RIT2: variants seen among roughly 807,000 people sequenced by gnomAD.
RIT2 encodes the protein Ras like without CAAX 2.
A neutral mutation model predicts 23.7 loss-of-function variants in RIT2; 24 were observed. The ratio of observed to expected loss-of-function variants is 1.01; its 90% CI spans 0.73 to 1.43. The LOEUF is 1.43. Among genes scored for constraint, RIT2 ranks in the 40% most tolerant of loss-of-function variants. The pLI is 0.00. For synonymous variants in RIT2, 107 were observed against 91.1 expected (o/e 1.17, Z -0.99); for missense variants, 236 against 266.9 (o/e 0.88, Z 0.81).
chr18:43,093,837 C>T (rs1282993684), intron 1 of RIT2, among the ~76,000 whole-genome samples: 2 of 152,000 alleles, frequency 1.3e-5, no homozygotes, highest in Non-Finnish European at 2.9e-5. Context: ...AATTCACCAT[C>T]ACCACACTAT....
intron 1 of RIT2, among the ~76,000 whole-genome samples, chr18:43,078,561 T>C (rs1276319395): frequency 6.6e-6 from 1 of 152,184 alleles, no homozygotes; most frequent in African/African-American, 2.4e-5. Context: ...CATGGATCCT[T>C]GCATCGCGCA....
intron 4 of RIT2, chr18:42,920,749 T>C (rs572654400): frequency 6.3e-7 from 1 of 1,595,368 alleles, no homozygotes; most frequent in Non-Finnish European, 8.5e-7. Context: ...TTCCAAACTC[T>C]TTCAGTGTAG....
intron 4 of RIT2, among the ~76,000 whole-genome samples, chr18:42,746,327 G>A (rs1014431786): frequency 2.6e-5 from 4 of 152,008 alleles, no homozygotes; most frequent in African/African-American, 9.7e-5. Flanking sequence ...ATGCATTACA[G>A]TCTCCAACTT....
At chr18:43,071,344 C>T (rs1912892057) in intron 1 of RIT2, among the ~76,000 whole-genome samples, 1 of 152,162 alleles carries the variant, frequency 6.6e-6, no homozygotes, top group Admixed American at 6.5e-5. Flanking sequence ...TATGGAACTA[C>T]ATCCCAGGTT....
intron 4 of RIT2, among the ~76,000 whole-genome samples, chr18:42,748,978 C>T (rs1051665649): frequency 6.6e-5 from 10 of 151,818 alleles, no homozygotes; most frequent in Non-Finnish European, 1.3e-4. Flanking sequence ...GGGACTTGAA[C>T]AAAACAAACT....
intron 2 of RIT2, among the ~76,000 whole-genome samples, chr18:43,009,066 T>C (rs932108314): frequency 1.3e-5 from 2 of 151,636 alleles, no homozygotes; most frequent in African/African-American, 4.8e-5. Context: ...TAAATGATCT[T>C]CAAGTAGTAA....
intron 1 of RIT2, among the ~76,000 whole-genome samples, chr18:43,114,580 A>G (rs1914024964): frequency 6.6e-6 from 1 of 152,114 alleles, no homozygotes; most frequent in South Asian, 2.1e-4. Flanking sequence ...TTATATAAAA[A>G]GCTATATTTA....
At chr18:42,809,096 C>G (rs1485713987) in intron 4 of RIT2, among the ~76,000 whole-genome samples, 1 of 152,030 alleles carries the variant, frequency 6.6e-6, no homozygotes, top group Non-Finnish European at 1.5e-5. Flanking sequence ...GTCATAGATA[C>G]TTATTGCATT....
intron 4 of RIT2, among the ~76,000 whole-genome samples, chr18:42,897,771 A>G (rs1259324293): frequency 2.0e-5 from 3 of 152,226 alleles, no homozygotes; most frequent in African/African-American, 7.2e-5. Context: ...TTTTAAAAAA[A>G]GGATTAGCAA....
Position 42,889,074 on chromosome 18 carries a change from A to AT in RIT2, c.426+34497dup, listed in dbSNP as rs200148550. On this transcript the variant is annotated intron_variant, in intron 4 of 4. Coordinates refer to ENST00000326695, the MANE Select transcript of RIT2 (RefSeq NM_002930.4). ...CTAAATGAAAATTGAAATTTGTTGG[A>AT]TTTTTTTTTAATTTAAAAAGATTGA... 3.4e-3 allele frequency among the ~76,000 whole-genome samples: 517 copies of AT among 151,696 alleles called. 3 individuals carry two copies. Among genetic ancestry groups the AT allele is most frequent in the African/African-American group, 0.01 (429 of 41,382 alleles).
rs1466596108 is a variant in RIT2 at position 43,056,574 on chromosome 18, T to C, written c.104-22707A>G. 1.3e-5 allele frequency among the ~76,000 whole-genome samples: 2 copies of C among 152,112 alleles called. 1 individual carries two copies. The highest frequency in any genetic ancestry group is 4.8e-5 in the African/African-American group (2 of 41,446). On this transcript the variant is annotated intron_variant, in intron 1 of 4. Transcript: ENST00000326695. ...TAGGGGACAGTGTAAGTGGCGGCAC[T>C]TATGAAACAGGAAGTCAGCACTTGA...
intron 4 of RIT2, among the ~76,000 whole-genome samples, chr18:42,859,270 G>A (rs973832310): frequency 3.9e-5 from 6 of 152,230 alleles, no homozygotes; most frequent in Admixed American, 6.5e-5. Context: ...CTGATGTCTC[G>A]TGGTTTTGAT....
intron 4 of RIT2, among the ~76,000 whole-genome samples, chr18:42,779,040 TTGAC>T (rs367811064): frequency 1.6e-4 from 24 of 152,308 alleles, no homozygotes; most frequent in African/African-American, 5.8e-4. Context: ...AATCAGAAGT[TTGAC>T]TGAGATCTTT....
chr18:42,822,550 T>A (rs1906182679), intron 4 of RIT2, among the ~76,000 whole-genome samples: 1 of 152,132 alleles, frequency 6.6e-6, no homozygotes, highest in East Asian at 1.9e-4. Context: ...CAGAAATCAC[T>A]GCCCCAATCT....
At chr18:42,891,761 A>AG (rs1908183093) in intron 4 of RIT2, among the ~76,000 whole-genome samples, 1 of 152,138 alleles carries the variant, frequency 6.6e-6, no homozygotes, top group African/African-American at 2.4e-5. Context: ...ATGAATAAGC[A>AG]GGGCACAGGT....
At chr18:42,927,830 T>C (rs1162429596) in intron 3 of RIT2, among the ~76,000 whole-genome samples, 1 of 152,080 alleles carries the variant, frequency 6.6e-6, no homozygotes, top group African/African-American at 2.4e-5. Flanking sequence ...GTATTAAAAT[T>C]GTGTGATAAT....
At chr18:42,998,475 A>C (rs1478756207) in intron 2 of RIT2, among the ~76,000 whole-genome samples, 2 of 152,116 alleles carry the variant, frequency 1.3e-5, no homozygotes, top group Non-Finnish European at 1.5e-5. Flanking sequence ...AAGCTAGGTC[A>C]AATAGATTGG....
chr18:43,033,709 G>T, intron 2 of RIT2, 102 bp downstream of exon 2: 3 of 806,518 alleles, frequency 3.7e-6, no homozygotes, highest in East Asian at 2.6e-5. Context: ...CTGGGTCATA[G>T]AGTAAATTAT....
In RIT2 at chr18:42,827,732, G is replaced by A. The variant is rs544954019; in HGVS notation, c.427-84012C>T. Among the ~76,000 whole-genome samples, 259 of 152,130 alleles carry A rather than the reference G, an allele frequency of 1.7e-3. 1 individual carries two copies. Among genetic ancestry groups the A allele is most frequent in the Non-Finnish European group, 2.7e-3 (183 of 67,952 alleles). On this transcript the variant is annotated intron_variant, in intron 4 of 4. Transcript: ENST00000326695. ...GTATTTAGAAAAATGTAGGCCAGGC[G>A]TGGTGGCTCATGCCTGCAATCCCAG...
Sources: gnomAD v4.1 joint callset for allele counts (sites outside exome capture counted in the v4.1 genomes callset) on GRCh38, gnomAD v4.1.1 for gene constraint, MANE v1.5 for transcripts, NCBI Gene and HGNC (gene_info 2026-07-23, HGNC 2026-07-21) for gene names.